Variants in HNRNPH1 observed in about 807,000 individuals in gnomAD.
The protein encoded by HNRNPH1 is heterogeneous nuclear ribonucleoprotein H1, also known as heterogeneous nuclear ribonucleoprotein H.
In HNRNPH1, 4 loss-of-function variants were observed where a neutral mutation model predicts 58.6. The observed-to-expected ratio is 0.07, with a 90% confidence interval of 0.03 to 0.16. The LOEUF (loss-of-function observed/expected upper bound fraction) is 0.16, where lower values mean the gene tolerates loss of function less well. Ranked by LOEUF, HNRNPH1 falls within the 10% of genes least tolerant of loss-of-function variation. The probability of loss-of-function intolerance (pLI) is 1.00; values close to 1 mark genes in which losing one functional copy is unlikely to be tolerated. For missense variants in HNRNPH1, 271 were observed against 564.2 expected, an observed-to-expected ratio of 0.48 and a Z score of 5.26; for synonymous variants, 192 against 189.2, an observed-to-expected ratio of 1.01 and a Z score of -0.12.
At chr5:179,625,233 C>T (rs1774261604), upstream of HNRNPH1, among the ~76,000 whole-genome samples, 1 of 152,154 alleles carries the variant, frequency 6.6e-6, no homozygotes, top group Non-Finnish European at 1.5e-5. Context: ...CGGTGGCTCA[C>T]TCGTGTAATA....
In HNRNPH1 at chr5:179,619,132, A is replaced by C. The variant is rs181561909; in HGVS notation, c.536+137T>G. 301 of 768,872 alleles carry C rather than the reference A, an allele frequency of 3.9e-4. No homozygotes were observed. In the African/African-American group the frequency reaches 4.9e-3, roughly 12 times the overall value. 47.6% of individuals were successfully genotyped at this position (768,872 alleles called of 1,614,324 possible). ...AGTTTGCGTGTAACGTGGGACTGAC[A>C]CAAGTTTGGAAATCATGGCAAAACA... On this transcript the variant is annotated intron_variant, in intron 4 of 12. Coordinates refer to ENST00000356731, the Ensembl canonical transcript of HNRNPH1.
chr5:179,628,288 G>A (rs1005320079), upstream of HNRNPH1, among the ~76,000 whole-genome samples: 2 of 152,096 alleles, frequency 1.3e-5, no homozygotes, highest in East Asian at 1.9e-4. Flanking sequence ...GACACATTTT[G>A]TACAGCTTAG....
At chr5:179,615,745 C>T (rs1769224072) in intron 11 of HNRNPH1, 150 bp from the exon 13 acceptor site, 1 of 539,874 alleles carries the variant, frequency 1.9e-6, no homozygotes, top group South Asian at 2.9e-5. Flanking sequence ...TCAAATTCTC[C>T]CTCTGTCTAA....
At chr5:179,633,627 A>C (rs1775029614) in intron 2 of HNRNPH1, among the ~76,000 whole-genome samples, 3 of 152,134 alleles carry the variant, frequency 2.0e-5, no homozygotes, top group Admixed American at 2.0e-4. Context: ...AAAAAATAAA[A>C]TAAAAAGCCA....
At chr5:179,618,521 A>AC in intron 4 of HNRNPH1, 198 bp from the exon 6 acceptor site, 5 of 420,742 alleles carry the variant, frequency 1.2e-5, no homozygotes, top group Non-Finnish European at 1.7e-5. Context: ...TAAACTTTAT[A>AC]GAAAAAAAAA....
At chr5:179,619,069 G>C in intron 4 of HNRNPH1, 200 bp downstream of exon 5, 1 of 456,684 alleles carries the variant, frequency 2.2e-6, no homozygotes, top group Non-Finnish European at 3.9e-6. Context: ...TTGTCAAGCA[G>C]ACCAATTAAC....
chr5:179,615,739 AT>A (rs1435540847), intron 11 of HNRNPH1, 144 bp from the exon 13 acceptor site: 1 of 543,438 alleles, frequency 1.8e-6, no homozygotes, highest in Non-Finnish European at 3.3e-6. Context: ...ACTATTTCAA[AT>A]TCTCCCTCTG....
upstream of HNRNPH1, among the ~76,000 whole-genome samples, chr5:179,625,311 C>G (rs1297481368): frequency 1.3e-5 from 2 of 150,948 alleles, no homozygotes; most frequent in Non-Finnish European, 2.9e-5. Context: ...GCTTGGCCAA[C>G]ATGGTGAAAC....
At chr5:179,626,776 C>CTTTT (rs60754691), upstream of HNRNPH1, among the ~76,000 whole-genome samples, 1 of 132,482 alleles carries the variant, frequency 7.5e-6, no homozygotes, top group Non-Finnish European at 1.6e-5. Flanking sequence ...TGGTATACTT[C>CTTTT]TTTTTTTTTT....
chr5:179,632,750 T>A (rs1245348546), intron 2 of HNRNPH1, among the ~76,000 whole-genome samples: 2 of 121,046 alleles, frequency 1.7e-5, no homozygotes, highest in East Asian at 4.8e-4. Flanking sequence ...CCAAATCAAA[T>A]ATCTTTTTTT....
intron 12 of HNRNPH1, 89 bp downstream of exon 13, chr5:179,615,457 A>T: frequency 1.4e-6 from 1 of 697,702 alleles, no homozygotes; most frequent in Non-Finnish European, 2.5e-6. Context: ...CATGGAGTTA[A>T]GTCAGAGCCA....
chr5:179,631,740 C>G (rs1199311542), intron 2 of HNRNPH1, among the ~76,000 whole-genome samples: 1 of 151,460 alleles, frequency 6.6e-6, no homozygotes, highest in African/African-American at 2.4e-5. Context: ...AGAGCAAGAC[C>G]TCAAAAAAAA....
intron 2 of HNRNPH1, chr5:179,633,821 G>C (rs1404605433): frequency 2.0e-5 from 3 of 152,180 alleles, no homozygotes; most frequent in Admixed American, 2.0e-4. Flanking sequence ...GACTGAGGCA[G>C]AATTGTTTGA....
upstream of HNRNPH1, among the ~76,000 whole-genome samples, chr5:179,625,097 G>A (rs1774239834): frequency 1.3e-5 from 2 of 152,124 alleles, no homozygotes; most frequent in Admixed American, 1.3e-4. Context: ...TGCAGATGGA[G>A]CAGGCAGGGT....
chr5:179,626,828 T>A (rs1156934777), upstream of HNRNPH1, among the ~76,000 whole-genome samples: 2 of 146,956 alleles, frequency 1.4e-5, no homozygotes, highest in Non-Finnish European at 3.0e-5. Flanking sequence ...CAGGCTGGAG[T>A]ACAATGGCGC....
In HNRNPH1 at chr5:179,617,278, T is replaced by C; in HGVS notation, c.1058-168A>G. ...TACTTTAACTCCAAAATCTAGCCTT[T>C]ACATATTCATCTGTATTGTCAATTA... is the stretch of plus-strand genomic sequence containing the variant. On this transcript the variant is annotated intron_variant, in intron 8 of 12. Coordinates refer to ENST00000356731, the Ensembl canonical transcript of HNRNPH1. The C allele has an allele frequency of 6.7e-6, 5 of 750,758 alleles. No individual in the cohort carries two copies. In the South Asian group the frequency reaches 7.4e-5, roughly 11 times the overall value. 46.5% of individuals were successfully genotyped at this position (750,758 alleles called of 1,614,324 possible).
chr5:179,616,757 C>T, intron 10 of HNRNPH1, 112 bp downstream of exon 11: 2 of 914,728 alleles, frequency 2.2e-6, no homozygotes, highest in Non-Finnish European at 1.7e-6. Context: ...CAAGAAACTG[C>T]TTTGCCTAAG....
At chr5:179,632,600 G>C (rs1200936150) in intron 2 of HNRNPH1, among the ~76,000 whole-genome samples, 2 of 152,314 alleles carry the variant, frequency 1.3e-5, no homozygotes, top group South Asian at 4.2e-4. Flanking sequence ...TCTGCCCGAC[G>C]GCCACCTGAG....
chr5:179,622,003 A>G (rs1562307020), intron 1 of HNRNPH1: 1 of 456,078 alleles, frequency 2.2e-6, no homozygotes, highest in Non-Finnish European at 4.4e-6. Flanking sequence ...AGTCAATACT[A>G]CAAACGTCTT....
Sources: gnomAD v4.1 joint callset for allele counts (sites outside exome capture counted in the v4.1 genomes callset) on GRCh38, gnomAD v4.1.1 for gene constraint, MANE v1.5 for transcripts, NCBI Gene and HGNC (gene_info 2026-07-23, HGNC 2026-07-21) for gene names.